Variants in KPNA1 observed in about 807,000 individuals in gnomAD.
The protein encoded by KPNA1 is karyopherin subunit alpha 1, also known as importin subunit alpha-5.
In KPNA1, 10 loss-of-function variants were observed where a neutral mutation model predicts 70.5. The ratio of observed to expected loss-of-function variants is 0.14; its 90% CI spans 0.09 to 0.24. The LOEUF (loss-of-function observed/expected upper bound fraction) is 0.24, where lower values mean the gene tolerates loss of function less well. KPNA1 is among the 10% of genes least tolerant of loss of function. The pLI, the probability that KPNA1 is intolerant of heterozygous loss-of-function variation, is 1.00. For missense variants in KPNA1, 397 were observed against 637.9 expected, an observed-to-expected ratio of 0.62 and a Z score of 4.07; for synonymous variants, 192 against 221.9, an observed-to-expected ratio of 0.87 and a Z score of 1.20.
intron 1 of KPNA1, among the ~76,000 whole-genome samples, chr3:122,504,371 A>C (rs1170010715): frequency 2.6e-5 from 4 of 152,146 alleles, no homozygotes; most frequent in Non-Finnish European, 5.9e-5. Context: ...TAAGGGCACT[A>C]ATTCCATTCA....
At chr3:122,501,277 C>G (rs940599335) in intron 1 of KPNA1, among the ~76,000 whole-genome samples, 3 of 152,104 alleles carry the variant, frequency 2.0e-5, no homozygotes, top group Non-Finnish European at 4.4e-5. Context: ...CCACCCACCT[C>G]CGCGTCCTGA....
intron 10 of KPNA1, among the ~76,000 whole-genome samples, 173 bp from the exon 11 acceptor site, chr3:122,437,468 G>T (rs1262593281): frequency 6.6e-6 from 1 of 152,178 alleles, no homozygotes; most frequent in Non-Finnish European, 1.5e-5. Context: ...GTTTCTAAGA[G>T]TATCAGTACA....
At chr3:122,475,239 A>T (rs1399917338) in intron 2 of KPNA1, among the ~76,000 whole-genome samples, 1 of 152,212 alleles carries the variant, frequency 6.6e-6, no homozygotes, top group African/African-American at 2.4e-5. Context: ...GAAATTAAGA[A>T]AACAATCCCA....
intron 2 of KPNA1, among the ~76,000 whole-genome samples, chr3:122,474,064 A>C (rs1400963163): frequency 6.6e-6 from 1 of 152,222 alleles, no homozygotes; most frequent in Non-Finnish European, 1.5e-5. Flanking sequence ...ACCAGCAATG[A>C]ATAAAGGGAA....
At chr3:122,491,850 A>ATTTTTT (rs67916227) in intron 2 of KPNA1, among the ~76,000 whole-genome samples, 13 of 64,898 alleles carry the variant, frequency 2.0e-4, no homozygotes, top group African/African-American at 6.2e-4. Context: ...TGACCATCAC[A>ATTTTTT]TTTTTTTTTT....
chr3:122,441,681 AC>A (rs773029925), intron 10 of KPNA1, among the ~76,000 whole-genome samples: 32 of 151,862 alleles, frequency 2.1e-4, no homozygotes, highest in Non-Finnish European at 3.8e-4. Flanking sequence ...GCTCACTGCA[AC>A]CTCTACCTCC....
At chr3:122,452,415 A>G (rs931621662) in intron 6 of KPNA1, among the ~76,000 whole-genome samples, 2 of 150,952 alleles carry the variant, frequency 1.3e-5, no homozygotes, top group African/African-American at 4.9e-5. Context: ...AGGCTGAGGC[A>G]TGAGAACTGC....
chr3:122,471,461 T>A (rs1432442446), intron 2 of KPNA1, among the ~76,000 whole-genome samples: 1 of 152,238 alleles, frequency 6.6e-6, no homozygotes, highest in East Asian at 1.9e-4. Context: ...CGACTGGATG[T>A]GGTTTACAAG....
chr3:122,513,624 C>G lies in KPNA1; in HGVS notation c.-6+1133G>C, dbSNP rs184120699. Among the ~76,000 whole-genome samples, 113 of 150,338 alleles carry G rather than the reference C, an allele frequency of 7.5e-4. 1 individual carries two copies. Among genetic ancestry groups the G allele is most frequent in the Admixed American group, 2.5e-3 (38 of 15,158 alleles). On this transcript the variant is annotated intron_variant, in intron 1 of 13. Transcript: ENST00000344337. ...TTCCAGATCAGCCCGGGAAACAAAG[C>G]AAGACTCCATCTCTTAAGAAAAAAA...
At chr3:122,485,712 G>A (rs1560047904) in intron 2 of KPNA1, among the ~76,000 whole-genome samples, 1 of 151,964 alleles carries the variant, frequency 6.6e-6, no homozygotes, top group Non-Finnish European at 1.5e-5. Context: ...GCTCACTGGT[G>A]ATCTATCGTA....
intron 2 of KPNA1, among the ~76,000 whole-genome samples, chr3:122,484,451 A>C (rs1331404708): frequency 5.3e-5 from 8 of 152,142 alleles, no homozygotes; most frequent in Non-Finnish European, 1.0e-4. Context: ...ACCTAAGACC[A>C]GCCTGGCCAA....
At chr3:122,508,652 T>G (rs1291582873) in intron 1 of KPNA1, among the ~76,000 whole-genome samples, 1 of 152,106 alleles carries the variant, frequency 6.6e-6, no homozygotes, top group East Asian at 1.9e-4. Context: ...GACTGGAGAC[T>G]CTCAGGGAAA....
chr3:122,424,255 T>A lies in KPNA1; in HGVS notation c.*2730A>T, dbSNP rs1022641054. On this transcript the variant is annotated 3_prime_UTR_variant, in exon 14 of 14. Transcript: ENST00000344337. The stretch of plus-strand genomic sequence containing the variant: ...TTTTCCTGTATTGAAATTAACATGC[T>A]TTTGTAATGAGCAACGCCTTAGTGG... The A allele has an allele frequency of 6.6e-6, 1 of 152,218 alleles. No individual in the cohort carries two copies. The highest frequency in any genetic ancestry group is 2.4e-5 in the African/African-American group (1 of 41,468). 9.4% of individuals were successfully genotyped at this position (152,218 alleles called of 1,614,324 possible). A position where few individuals can be genotyped will look rare whatever the true frequency, so the allele number is the denominator to read the frequency against.
rs67916227 is a variant in KPNA1 at position 122,491,850 on chromosome 3, A to ATTTT, written c.129+4583_129+4586dup. On this transcript the variant is annotated intron_variant, in intron 2 of 13. Coordinates refer to ENST00000344337, the MANE Select transcript of KPNA1 (RefSeq NM_002264.4). Reference sequence around the variant, plus strand: ...TGCAAAGCAATGCTTTGACCATCACATTTTTTTTTTTTTTTTTTTTTTTTT... The same window carrying ATTTT: ...TGCAAAGCAATGCTTTGACCATCACATTTTTTTTTTTTTTTTTTTTTTTTTTTTT... 4.8e-4 allele frequency among the ~76,000 whole-genome samples: 31 copies of ATTTT among 64,898 alleles called. 1 individual carries two copies. Among genetic ancestry groups the ATTTT allele is most frequent in the African/African-American group, 8.5e-4 (15 of 17,696 alleles). The allele number at this position is 64,898 out of a possible 152,430, so 42.6% of individuals were successfully genotyped here. A position where few individuals can be genotyped will look rare whatever the true frequency, so the allele number is the denominator to read the frequency against.
At chr3:122,513,877 C>T (rs2076984011) in intron 1 of KPNA1, among the ~76,000 whole-genome samples, 1 of 152,132 alleles carries the variant, frequency 6.6e-6, no homozygotes, top group Non-Finnish European at 1.5e-5. Flanking sequence ...ACAGCCTGGG[C>T]AATATAGCGA....
chr3:122,487,536 G>A (rs113561561), intron 2 of KPNA1, among the ~76,000 whole-genome samples: 2,917 of 152,258 alleles, frequency 0.019, 48 homozygotes, highest in Non-Finnish European at 0.026. Context: ...GATGAATAAG[G>A]AAAATGTGGT....
chr3:122,474,367 A>G (rs554635908), intron 2 of KPNA1, among the ~76,000 whole-genome samples: 3 of 152,284 alleles, frequency 2.0e-5, no homozygotes, highest in Middle Eastern at 3.4e-3. Context: ...AAGGAAAAAG[A>G]TCCAAAATAG....
intron 9 of KPNA1, among the ~76,000 whole-genome samples, chr3:122,444,346 A>G (rs2076106358): frequency 6.6e-6 from 1 of 152,242 alleles, no homozygotes; most frequent in African/African-American, 2.4e-5. Context: ...CTGAGGCAAC[A>G]TACATCCTCA....
rs2076321151 is a variant in KPNA1, at chr3:122,461,287, G to A, written c.369C>T (p.Ser123=). ...CAAACCTGGCCACTACTCCTGGTGT[G>A]CTGATAACTTCATCAATAGGAGGGT... The part of the protein sequence containing the change: ...EPNPPIDEVI[S]TPGVVARFVE... Residue 123 remains serine (S), a synonymous_variant, in exon 5 of 14, where the codon AGC becomes AGT. Transcript: ENST00000344337. 2 of 1,612,700 alleles carry A rather than the reference G, an allele frequency of 1.2e-6. No homozygotes were observed. The highest frequency in any genetic ancestry group is 1.7e-5 in the Admixed American group (1 of 59,950).
Sources: allele counts gnomAD v4.1 joint callset (sites outside exome capture counted in the v4.1 genomes callset), GRCh38; gene constraint gnomAD v4.1.1; transcripts MANE v1.5; gene names NCBI Gene and HGNC (gene_info 2026-07-23, HGNC 2026-07-21).